Variants in ERBB4 observed in about 807,000 individuals in gnomAD.
ERBB4 encodes the protein erb-b2 receptor tyrosine kinase 4.
ERBB4 carries 42 observed loss-of-function variants against 158.0 expected under a neutral mutation model. The observed-to-expected ratio is 0.27, with a 90% CI of 0.21 to 0.34. The LOEUF (loss-of-function observed/expected upper bound fraction) is 0.34, where lower values mean the gene tolerates loss of function less well. ERBB4 is among the 10% of genes least tolerant of loss of function. ERBB4 has a pLI of 1.00. For missense variants in ERBB4, 1,333 were observed against 1,624.1 expected (o/e 0.82, Z 3.08); for synonymous variants, 583 against 558.7 (o/e 1.04, Z -0.61).
chr2:211,447,137 T>A lies in ERBB4; in HGVS notation c.2488-16037A>T, dbSNP rs552349750. Among the ~76,000 whole-genome samples the A allele has an allele frequency of 3.9e-5, 6 of 152,318 alleles. No individual in the cohort carries two copies. The South Asian group carries it at 8.3e-4, about 21-fold the overall frequency. The stretch of plus-strand genomic sequence containing the variant: ...GAGTTTATTTGAATCATAACTTCTA[T>A]ATTCCTTTACAATTATGATCATGTT... On this transcript the variant is annotated intron_variant, in intron 20 of 27. Transcript: ENST00000342788.
At chr2:211,619,620 G>C (rs1463649505) in intron 18 of ERBB4, among the ~76,000 whole-genome samples, 1 of 152,102 alleles carries the variant, frequency 6.6e-6, no homozygotes, top group Non-Finnish European at 1.5e-5. Context: ...GACTTTTTGA[G>C]ATGGTTGCTC....
intron 3 of ERBB4, among the ~76,000 whole-genome samples, chr2:211,789,506 T>C (rs1421770758): frequency 1.3e-5 from 2 of 152,084 alleles, no homozygotes; most frequent in African/African-American, 4.8e-5. Context: ...AGCTGTGACT[T>C]TTTATTTGAG....
intron 3 of ERBB4, among the ~76,000 whole-genome samples, chr2:211,887,697 T>C (rs73073338): frequency 0.14 from 21,437 of 152,164 alleles, 1,863 homozygotes; most frequent in African/African-American, 0.24. Context: ...GTGTTGTTTT[T>C]CTGTTTAATC....
chr2:211,711,420 C>T (rs889783147), intron 9 of ERBB4, among the ~76,000 whole-genome samples: 2 of 152,058 alleles, frequency 1.3e-5, no homozygotes, highest in African/African-American at 2.4e-5. Context: ...TCAAAGAATA[C>T]AAACTTGTTT....
chr2:212,443,888 A>T (rs2092301956), intron 1 of ERBB4, among the ~76,000 whole-genome samples: 1 of 152,166 alleles, frequency 6.6e-6, no homozygotes, highest in East Asian at 1.9e-4. Flanking sequence ...GAAACTGAAC[A>T]TTTGACCATA....
chr2:211,399,672 G>A (rs1211198198), intron 25 of ERBB4, among the ~76,000 whole-genome samples: 1 of 152,124 alleles, frequency 6.6e-6, no homozygotes, highest in African/African-American at 2.4e-5. Context: ...ACAAATGGGT[G>A]AGTGATTCTG....
At chr2:211,947,707 T>A (rs987900627) in intron 2 of ERBB4, 91 bp from the exon 3 acceptor site, 23 of 1,079,730 alleles carry the variant, frequency 2.1e-5, no homozygotes, top group Non-Finnish European at 3.0e-5. Flanking sequence ...TATTAAACTC[T>A]AATTTTCAGT....
intron 2 of ERBB4, among the ~76,000 whole-genome samples, chr2:211,982,762 G>A (rs533142662): frequency 2.6e-5 from 4 of 152,076 alleles, no homozygotes; most frequent in Non-Finnish European, 5.9e-5. Flanking sequence ...AACAAATGGA[G>A]GTGCAAATGA....
chr2:211,533,579 G>T (rs534288530), intron 20 of ERBB4, among the ~76,000 whole-genome samples: 29 of 152,116 alleles, frequency 1.9e-4, no homozygotes, highest in Non-Finnish European at 4.1e-4. Flanking sequence ...ACAATCTTCT[G>T]CCTCAGAAAA....
At chr2:212,517,405 A>G (rs977659015) in intron 1 of ERBB4, among the ~76,000 whole-genome samples, 1 of 152,136 alleles carries the variant, frequency 6.6e-6, no homozygotes, top group Non-Finnish European at 1.5e-5. Flanking sequence ...ATGAAACATT[A>G]ATAGAAAATT....
At chr2:211,505,075 A>G (rs76211135) in intron 20 of ERBB4, among the ~76,000 whole-genome samples, 3,165 of 152,230 alleles carry the variant, frequency 0.021, 115 homozygotes, top group African/African-American at 0.07. Context: ...AGAGATTCAG[A>G]TATCCAGATA....
intron 20 of ERBB4, among the ~76,000 whole-genome samples, chr2:211,518,661 A>G (rs1019182951): frequency 2.0e-5 from 3 of 152,012 alleles, no homozygotes; most frequent in African/African-American, 7.2e-5. Flanking sequence ...CAAAAAAAAA[A>G]AGTTAGTGTG....
chr2:212,034,848 C>T (rs1347556536), intron 2 of ERBB4, among the ~76,000 whole-genome samples: 4 of 152,030 alleles, frequency 2.6e-5, no homozygotes, highest in Non-Finnish European at 5.9e-5. Flanking sequence ...GAGACTGGTG[C>T]AAAAATGCTA....
At chr2:212,370,654 A>G (rs1231605155) in intron 1 of ERBB4, among the ~76,000 whole-genome samples, 1 of 152,158 alleles carries the variant, frequency 6.6e-6, no homozygotes, top group South Asian at 2.1e-4. Context: ...CAATTACCTT[A>G]GGAATTTTAT....
chr2:211,461,449 T>A (rs2064528140), intron 20 of ERBB4, among the ~76,000 whole-genome samples: 1 of 152,190 alleles, frequency 6.6e-6, no homozygotes, highest in South Asian at 2.1e-4. Context: ...AAACAAGGGA[T>A]GTCAGAGGAT....
chr2:211,822,048 A>G (rs764357069), intron 3 of ERBB4, among the ~76,000 whole-genome samples: 15 of 151,982 alleles, frequency 9.9e-5, no homozygotes, highest in Non-Finnish European at 2.1e-4. Flanking sequence ...TAAGCCAGAA[A>G]CAGAAAGTTA....
At chr2:212,079,138 T>C (rs564885795) in intron 2 of ERBB4, among the ~76,000 whole-genome samples, 1 of 151,352 alleles carries the variant, frequency 6.6e-6, no homozygotes, top group African/African-American at 2.4e-5. Context: ...TATATATATG[T>C]ATCAGATATA....
Position 211,679,046 on chromosome 2 carries a change from C to T in ERBB4, c.1622+6G>A, listed in dbSNP as rs754695940. ...GAGGTGAAGGCAACCCTAGAAGAAG[C>T]CTTACCCATCATAGAGGTTACAAGA... is the stretch of plus-strand genomic sequence containing the variant. On this transcript the variant is annotated splice_donor_region_variant and intron_variant, in intron 13 of 27. Coordinates refer to ENST00000342788, the MANE Select transcript of ERBB4 (RefSeq NM_005235.3). The T allele has an allele frequency of 2.5e-6, 4 of 1,606,232 alleles. No homozygotes were observed. In the South Asian group the frequency reaches 4.4e-5, roughly 18 times the overall value.
intron 25 of ERBB4, among the ~76,000 whole-genome samples, chr2:211,395,032 A>C (rs2062880254): frequency 6.6e-6 from 1 of 152,136 alleles, no homozygotes. Flanking sequence ...GTGTAAAATA[A>C]ATTTTCTGCC....
Sources: gnomAD v4.1 joint callset for allele counts (sites outside exome capture counted in the v4.1 genomes callset) on GRCh38, gnomAD v4.1.1 for gene constraint, MANE v1.5 for transcripts, NCBI Gene and HGNC (gene_info 2026-07-23, HGNC 2026-07-21) for gene names.